IPO5: variants seen among roughly 807,000 people sequenced by gnomAD.
IPO5 encodes the protein importin 5.
A neutral mutation model predicts 143.3 loss-of-function variants in IPO5; 18 were observed. The observed-to-expected ratio is 0.13, with a 90% CI of 0.09 to 0.19. The LOEUF (loss-of-function observed/expected upper bound fraction) is 0.19, where lower values mean the gene tolerates loss of function less well. Ranked by LOEUF, IPO5 falls within the 10% of genes least tolerant of loss-of-function variation. The pLI is 1.00. For missense variants in IPO5, 1,013 were observed against 1,336.9 expected, an observed-to-expected ratio of 0.76 and a Z score of 3.78; for synonymous variants, 477 against 465.7, an observed-to-expected ratio of 1.02 and a Z score of -0.31.
At chr13:97,980,294 A>G (rs1886728526) in intron 4 of IPO5, among the ~76,000 whole-genome samples, 2 of 152,220 alleles carry the variant, frequency 1.3e-5, no homozygotes, top group Non-Finnish European at 2.9e-5. Context: ...TTGGATTACC[A>G]CAGTGGAACA....
rs1341251100 is a variant in IPO5 at position 97,982,500 on chromosome 13, C to A, written c.91-3C>A. The stretch of plus-strand genomic sequence containing the variant: ...TCCTAACCATTTTTTTTTTTCCATG[C>A]AGGAAACCTATGAGAATATCCCAGG... On this transcript the variant is annotated splice_region_variant and splice_polypyrimidine_tract_variant and intron_variant, in intron 4 of 28. Coordinates refer to ENST00000651721, the MANE Select transcript of IPO5 (RefSeq NM_002271.6). 6.3e-7 allele frequency: 1 copy of A among 1,595,912 alleles called. No individual in the cohort carries two copies. Among genetic ancestry groups the A allele is most frequent in the Non-Finnish European group, 8.5e-7 (1 of 1,171,056 alleles).
chr13:98,013,755 G>A (rs1408867419), intron 21 of IPO5, among the ~76,000 whole-genome samples: 1 of 152,122 alleles, frequency 6.6e-6, no homozygotes, highest in East Asian at 1.9e-4. Context: ...TACAGCTTAA[G>A]GCATGCTAAT....
intron 4 of IPO5, among the ~76,000 whole-genome samples, chr13:97,977,762 G>A (rs1886505773): frequency 1.3e-5 from 2 of 152,132 alleles, no homozygotes; most frequent in Non-Finnish European, 2.9e-5. Flanking sequence ...TCCAGGGGAG[G>A]GAGAAACTTT....
At chr13:97,964,127 C>T (rs2139509280) in intron 2 of IPO5, among the ~76,000 whole-genome samples, 1 of 152,088 alleles carries the variant, frequency 6.6e-6, no homozygotes, top group African/African-American at 2.4e-5. Flanking sequence ...CAAAAATTTT[C>T]TCCCATTCTG....
chr13:98,001,311 A>T (rs955738085), intron 13 of IPO5, among the ~76,000 whole-genome samples: 5 of 152,136 alleles, frequency 3.3e-5, no homozygotes, highest in Non-Finnish European at 7.4e-5. Flanking sequence ...TTCTTTTGTT[A>T]AATTAAAATT....
chr13:97,999,603 T>C (rs745998799), intron 12 of IPO5, among the ~76,000 whole-genome samples: 11 of 152,352 alleles, frequency 7.2e-5, no homozygotes, highest in Non-Finnish European at 1.6e-4. Flanking sequence ...TTTTATAGTA[T>C]TGTCTTTACA....
At chr13:97,979,612 A>G (rs539561124) in intron 4 of IPO5, among the ~76,000 whole-genome samples, 51 of 152,186 alleles carry the variant, frequency 3.4e-4, no homozygotes, top group African/African-American at 1.2e-3. Context: ...AAGCTTAAGT[A>G]TTTATTAATC....
At chr13:98,016,942 G>C (rs1890154974) in intron 25 of IPO5, 91 bp downstream of exon 25, 7 of 949,964 alleles carry the variant, frequency 7.4e-6, no homozygotes, top group African/African-American at 1.7e-5. Flanking sequence ...AAGTTAAAAT[G>C]GGTCTCAGAA....
At chr13:97,974,010 G>A (rs1460292919) in intron 3 of IPO5, among the ~76,000 whole-genome samples, 1 of 152,140 alleles carries the variant, frequency 6.6e-6, no homozygotes, top group Non-Finnish European at 1.5e-5. Flanking sequence ...GGCGGCTGCA[G>A]TGAGATCACA....
intron 13 of IPO5, chr13:98,002,179 T>C (rs1888856665): frequency 5.5e-6 from 1 of 180,682 alleles, no homozygotes; most frequent in Non-Finnish European, 1.1e-5. Flanking sequence ...CGTGCCCGGC[T>C]AATTTTTTGT....
At chr13:97,968,917 G>C (rs569652673) in intron 2 of IPO5, among the ~76,000 whole-genome samples, 29 of 151,686 alleles carry the variant, frequency 1.9e-4, no homozygotes, top group African/African-American at 5.6e-4. Flanking sequence ...TTGAACTCCC[G>C]ACCTCAAGTG....
intron 11 of IPO5, among the ~76,000 whole-genome samples, chr13:97,994,243 G>A (rs1000152424): frequency 6.6e-6 from 1 of 152,174 alleles, no homozygotes; most frequent in Non-Finnish European, 1.5e-5. Flanking sequence ...GGGAGGTGGA[G>A]GTTGCAGTGA....
intron 16 of IPO5, 57 bp from the exon 17 acceptor site, chr13:98,006,073 A>T: frequency 8.2e-7 from 1 of 1,223,216 alleles, no homozygotes; most frequent in Non-Finnish European, 1.2e-6. Flanking sequence ...AGTAATTGTA[A>T]ATTTAAATAC....
At chr13:97,985,938 C>T (rs533404756) in intron 6 of IPO5, among the ~76,000 whole-genome samples, 10 of 152,132 alleles carry the variant, frequency 6.6e-5, no homozygotes, top group African/African-American at 2.4e-4. Context: ...ACCTGGGCAA[C>T]ATGGCAAAAC....
At chr13:98,012,167 T>C in intron 20 of IPO5, 79 bp from the exon 21 acceptor site, 1 of 842,344 alleles carries the variant, frequency 1.2e-6, no homozygotes, top group Non-Finnish European at 2.1e-6. Flanking sequence ...CCTGTGGTCC[T>C]TATGATTTTG....
chr13:97,958,900 G>A lies in IPO5; in HGVS notation c.-113+4702G>A, dbSNP rs79213351. Among the ~76,000 whole-genome samples, 421 of 152,050 alleles carry A rather than the reference G, an allele frequency of 2.8e-3. 16 individuals carry two copies. The East Asian group carries it at 0.073, about 26-fold the overall frequency. ...AGTCACACTACAAGAGGCAGGACAC[G>A]GTGGCTCACACCTGTAACCCCAGCA... On this transcript the variant is annotated intron_variant, in intron 2 of 28. Transcript: ENST00000651721.
At chr13:98,009,816 T>G (rs1421036925) in intron 18 of IPO5, 65 bp from the exon 19 acceptor site, 2 of 1,210,928 alleles carry the variant, frequency 1.7e-6, no homozygotes, top group Non-Finnish European at 2.3e-6. Context: ...AATAAGGAAA[T>G]GGCTTTCTTT....
chr13:98,007,934 ATAGT>A (rs1231375930), intron 17 of IPO5, 121 bp from the exon 18 acceptor site: 1 of 601,008 alleles, frequency 1.7e-6, no homozygotes, highest in Non-Finnish European at 3.0e-6. Context: ...TTTCAATATG[ATAGT>A]TTATCTATGA....
chr13:97,985,394 G>C, intron 5 of IPO5, 27 bp from the exon 6 acceptor site: 2 of 1,561,066 alleles, frequency 1.3e-6, no homozygotes, highest in South Asian at 1.1e-5. Context: ...AGTGAATCTA[G>C]TTATTAACAA....
Sources: allele counts gnomAD v4.1 joint callset (sites outside exome capture counted in the v4.1 genomes callset), GRCh38; gene constraint gnomAD v4.1.1; transcripts MANE v1.5; gene names NCBI Gene and HGNC (gene_info 2026-07-23, HGNC 2026-07-21).